The following TRAP1 variants were observed in gnomAD, a reference collection of about 807,000 sequenced individuals.
TRAP1 encodes heat shock protein 75 kDa, mitochondrial.
Under a neutral mutation model 89.1 loss-of-function variants are expected in TRAP1, and 102 were observed. The ratio of observed to expected loss-of-function variants is 1.15; its 90% confidence interval spans 0.98 to 1.35. TRAP1 has a LOEUF of 1.35. Among genes scored for constraint, TRAP1 ranks in the 40% most tolerant of loss-of-function variants. The pLI is 0.00. For missense variants in TRAP1, 1,256 were observed against 945.3 expected (o/e 1.33, Z -4.31); for synonymous variants, 508 against 388.0 (o/e 1.31, Z -3.64).
chr16:3,675,268 A>G, intron 8 of TRAP1, 56 bp downstream of exon 8: 1 of 1,570,068 alleles, frequency 6.4e-7, no homozygotes, highest in Non-Finnish European at 8.8e-7. Flanking sequence ...CGCTGCCCTG[A>G]AACGTACAGA....
At chr16:3,686,340 T>A (rs1051866761) in intron 3 of TRAP1, among the ~76,000 whole-genome samples, 1 of 152,178 alleles carries the variant, frequency 6.6e-6, no homozygotes, top group African/African-American at 2.4e-5. Flanking sequence ...CTTTCAGGAT[T>A]TCTTTGAGAG....
chr16:3,712,523 T>C (rs1313216422), intron 1 of TRAP1, among the ~76,000 whole-genome samples: 1 of 151,960 alleles, frequency 6.6e-6, no homozygotes, highest in Admixed American at 6.6e-5. Context: ...GGTAGCAAAA[T>C]ACTTGGAGAT....
intron 8 of TRAP1, 87 bp downstream of exon 8, chr16:3,675,237 C>A (rs537802214): frequency 5.2e-6 from 7 of 1,346,960 alleles, no homozygotes; most frequent in Non-Finnish European, 7.4e-6. Flanking sequence ...TGGGCCGCAT[C>A]CCCTGGGCTC....
At chr16:3,658,262 G>C (rs778764955) in intron 17 of TRAP1, 32 bp from the exon 18 acceptor site, 21 of 1,535,488 alleles carry the variant, frequency 1.4e-5, no homozygotes, top group African/African-American at 1.1e-4. Flanking sequence ...CCATTATGAG[G>C]GGCATGGGGC....
At chr16:3,661,717 C>T (rs1437681503) in intron 16 of TRAP1, 6 of 386,854 alleles carry the variant, frequency 1.6e-5, no homozygotes, top group Non-Finnish European at 1.8e-5. Flanking sequence ...CCAGGACACG[C>T]ACAGGTGGCA....
At chr16:3,698,194 A>C (rs1228240161) in intron 1 of TRAP1, among the ~76,000 whole-genome samples, 1 of 152,190 alleles carries the variant, frequency 6.6e-6, no homozygotes, top group East Asian at 1.9e-4. Flanking sequence ...GAAAAAAATA[A>C]GAAATCTATA....
intron 4 of TRAP1, among the ~76,000 whole-genome samples, chr16:3,682,667 A>G (rs1425422766): frequency 6.6e-6 from 1 of 152,138 alleles, no homozygotes; most frequent in Non-Finnish European, 1.5e-5. Flanking sequence ...TGCTAGGATT[A>G]CAGGCGTGAG....
chr16:3,688,684 G>T (rs999139274), intron 3 of TRAP1, among the ~76,000 whole-genome samples: 3 of 151,782 alleles, frequency 2.0e-5, no homozygotes, highest in Admixed American at 2.0e-4. Flanking sequence ...GAGTCTTGCT[G>T]TGTTGACCAG....
At chr16:3,694,731 G>A (rs911614143) in intron 1 of TRAP1, among the ~76,000 whole-genome samples, 1 of 152,096 alleles carries the variant, frequency 6.6e-6, no homozygotes, top group African/African-American at 2.4e-5. Flanking sequence ...TCCCACTTTG[G>A]CCTCTTAAAG....
At chr16:3,697,852 G>C (rs906957753) in intron 1 of TRAP1, among the ~76,000 whole-genome samples, 1 of 150,814 alleles carries the variant, frequency 6.6e-6, no homozygotes, top group African/African-American at 2.4e-5. Flanking sequence ...GAAATGGCGT[G>C]ATCTCGGCTC....
intron 5 of TRAP1, 57 bp from the exon 6 acceptor site, chr16:3,677,715 C>T: frequency 6.4e-7 from 1 of 1,573,398 alleles, no homozygotes; most frequent in Non-Finnish European, 8.6e-7. Flanking sequence ...CAGACACTCC[C>T]AACACCGTGG....
intron 1 of TRAP1, among the ~76,000 whole-genome samples, chr16:3,706,920 G>C (rs973654143): frequency 6.6e-6 from 1 of 152,046 alleles, no homozygotes; most frequent in Non-Finnish European, 1.5e-5. Context: ...ATGGTAATTC[G>C]GTTTGACTGT....
chr16:3,695,290 G>C (rs1245516625), intron 1 of TRAP1, among the ~76,000 whole-genome samples: 1 of 152,170 alleles, frequency 6.6e-6, no homozygotes, highest in African/African-American at 2.4e-5. Flanking sequence ...GAGAGGGCTG[G>C]CAGAGCTGAG....
rs2038447819 is a variant in TRAP1 at position 3,672,671 on chromosome 16, G to T, written c.1165+29C>A. 5.0e-6 allele frequency: 8 copies of T among 1,594,146 alleles called. No homozygotes were observed. In the East Asian group the frequency reaches 1.8e-4, roughly 36 times the overall value. On this transcript the variant is annotated intron_variant, in intron 10 of 17. Transcript: ENST00000246957. ...CAGCGGGCGACACTGGGCCACGGGG[G>T]CACTGCTCACGGACTCTGAGCAGCG...
intron 1 of TRAP1, among the ~76,000 whole-genome samples, chr16:3,691,976 A>T (rs1229347769): frequency 6.6e-6 from 1 of 152,028 alleles, no homozygotes; most frequent in Non-Finnish European, 1.5e-5. Context: ...CAGGCCCAGA[A>T]ACCAGACACT....
Position 3,677,684 on chromosome 16 carries a change from G to C in TRAP1, c.544-26C>G, listed in dbSNP as rs375670928. 3.3e-5 allele frequency: 53 copies of C among 1,606,974 alleles called. No individual in the cohort carries two copies. In the African/African-American group the frequency reaches 5.3e-4, roughly 16 times the overall value. ...CTGTGGGGCAGAGGCCAGTTAGTGAGGCAGCCTCCCCTCCAGAGAGCAGAC... is the reference window on the plus strand; with the variant it reads ...CTGTGGGGCAGAGGCCAGTTAGTGACGCAGCCTCCCCTCCAGAGAGCAGAC... On this transcript the variant is annotated intron_variant, in intron 5 of 17. Coordinates refer to ENST00000246957, the MANE Select transcript of TRAP1 (RefSeq NM_016292.3).
chr16:3,708,817 A>AT (rs530522079), intron 1 of TRAP1, among the ~76,000 whole-genome samples: 1,666 of 136,052 alleles, frequency 0.012, 31 homozygotes, highest in South Asian at 0.05. Flanking sequence ...CTCTGTCTCA[A>AT]TTTTTTTTTT....
At chr16:3,710,849 G>A (rs1301286705) in intron 1 of TRAP1, among the ~76,000 whole-genome samples, 1 of 121,014 alleles carries the variant, frequency 8.3e-6, no homozygotes, top group East Asian at 2.5e-4. Context: ...TCTTTTATAT[G>A]TGTGTGTGTA....
At chr16:3,675,868 G>A (rs2050984394) in intron 7 of TRAP1, among the ~76,000 whole-genome samples, 168 bp downstream of exon 7, 4 of 152,306 alleles carry the variant, frequency 2.6e-5, no homozygotes, top group Middle Eastern at 3.4e-3. Context: ...TCGATGCTAC[G>A]CAGCCCTGGC....
Sources: allele counts gnomAD v4.1 joint callset (sites outside exome capture counted in the v4.1 genomes callset), GRCh38; gene constraint gnomAD v4.1.1; transcripts MANE v1.5; gene names NCBI Gene and HGNC (gene_info 2026-07-23, HGNC 2026-07-21).